The following SAMM50 variants were observed in gnomAD, a reference collection of about 807,000 sequenced individuals.
SAMM50 encodes sorting and assembly machinery component 50 homolog.
In SAMM50, 47 loss-of-function variants were observed where a neutral mutation model predicts 66.9. The ratio of observed to expected loss-of-function variants is 0.70; its 90% CI spans 0.56 to 0.90. The LOEUF (loss-of-function observed/expected upper bound fraction) is 0.90, where lower values mean the gene tolerates loss of function less well. Among genes scored for constraint, SAMM50 ranks in the 40% least tolerant of loss-of-function variants. The probability of loss-of-function intolerance (pLI) is 0.00; values close to 1 mark genes in which losing one functional copy is unlikely to be tolerated. For missense variants in SAMM50, 535 were observed against 595.3 expected (o/e 0.90, Z 1.05); for synonymous variants, 191 against 214.1 (o/e 0.89, Z 0.94).
Position 43,972,901 on chromosome 22 carries a change from G to C in SAMM50, c.460G>C (p.Gly154Arg), listed in dbSNP as rs1344069154. 1 of 1,595,994 alleles carries C rather than the reference G, an allele frequency of 6.3e-7. No individual in the cohort carries two copies. The highest frequency in any genetic ancestry group is 8.5e-7 in the Non-Finnish European group (1 of 1,176,072). Reference sequence around the variant, plus strand: ...TGGCCTCAAGCTTCCTAATCTTCTTGGTCGTGCAGAAAAGGTGACCTTTCA... The same window carrying C: ...TGGCCTCAAGCTTCCTAATCTTCTTCGTCGTGCAGAAAAGGTGACCTTTCA... ...VLGLKLPNLL[G>R]RAEKVTFQFS... The change falls in exon 6 of 15, where the codon GGT becomes CGT. Residue 154 changes from glycine to arginine, a missense_variant. By Grantham distance (125) the Gly-to-Arg change is moderately radical. Transcript: ENST00000350028.
At chr22:43,995,053 C>G (rs2050345755) in intron 14 of SAMM50, among the ~76,000 whole-genome samples, 1 of 152,160 alleles carries the variant, frequency 6.6e-6, no homozygotes, top group Non-Finnish European at 1.5e-5. Context: ...CAGATCTGAA[C>G]ACAACTAAAT....
At position 43,992,685 on chromosome 22, in the gene SAMM50, C is replaced by A. The variant is rs534789161; in HGVS notation, c.1364+2279C>A. Among the ~76,000 whole-genome samples, 120 of 152,324 alleles carry A rather than the reference C, an allele frequency of 7.9e-4. 1 individual carries two copies. Among genetic ancestry groups the A allele is most frequent in the African/African-American group, 2.6e-3 (110 of 41,570 alleles). The stretch of plus-strand genomic sequence containing the variant: ...TGGACGATCATGATGGTGACTGTTG[C>A]AGTTTGGAGAACTCAGTGAGTTACT... On this transcript the variant is annotated intron_variant, in intron 14 of 14. Transcript: ENST00000350028.
At chr22:43,968,187 G>A (rs1053644088) in intron 3 of SAMM50, among the ~76,000 whole-genome samples, 6 of 133,244 alleles carry the variant, frequency 4.5e-5, no homozygotes, top group South Asian at 2.4e-4. Flanking sequence ...AGATTGCACC[G>A]TTGCACTCCA....
In SAMM50 at chr22:43,972,998, G is replaced by C; in HGVS notation, c.557G>C (p.Arg186Thr). The change falls in exon 6 of 15, where the codon AGA (arginine) becomes ACA (threonine). Residue 186 changes from arginine to threonine, a missense_variant. Physicochemically the swap from Arg to Thr is moderately conservative, Grantham distance 71 (BLOSUM62 -1). Transcript: ENST00000350028. ...FFKPRPGNFE[R>T]NFSVNLYKVT... The stretch of plus-strand genomic sequence containing the variant: ...AAACCACGGCCCGGAAACTTCGAAA[G>C]AAAGTAGGAAGCCCAACAGATCATT... 1 of 1,588,024 alleles carries C rather than the reference G, an allele frequency of 6.3e-7. No individual in the cohort carries two copies. The highest frequency in any genetic ancestry group is 1.7e-4 in the Middle Eastern group (1 of 5,964).
intron 7 of SAMM50, 143 bp from the exon 8 acceptor site, chr22:43,975,912 T>C: frequency 1.2e-6 from 1 of 811,712 alleles, no homozygotes; most frequent in Non-Finnish European, 1.9e-6. Flanking sequence ...CTTCTTCTCT[T>C]CTTCCCCTTC....
rs755070853 is a variant in SAMM50, at chr22:43,990,216, C to T, written c.1223-49C>T. 4 of 1,607,860 alleles carry T rather than the reference C, an allele frequency of 2.5e-6. No homozygotes were observed. The Admixed American group carries it at 6.7e-5, about 27-fold the overall frequency. On this transcript the variant is annotated intron_variant, in intron 13 of 14. Transcript: ENST00000350028. The stretch of plus-strand genomic sequence containing the variant: ...GGCTTGTCTGGGAGAGCTGGGAGAG[C>T]TTGGAAGGACGGGCACGCACTGTTG...
At chr22:43,977,819 C>G in intron 9 of SAMM50, 53 bp from the exon 10 acceptor site, 1 of 1,172,410 alleles carries the variant, frequency 8.5e-7, no homozygotes, top group South Asian at 1.3e-5. Flanking sequence ...GATTCTGTAG[C>G]CCCTGTAATA....
intron 1 of SAMM50, among the ~76,000 whole-genome samples, chr22:43,956,283 A>G (rs1372217534): frequency 6.6e-6 from 1 of 152,188 alleles, no homozygotes; most frequent in Non-Finnish European, 1.5e-5. Flanking sequence ...ACTGGTTCCA[A>G]ATGGCCTAAA....
intron 1 of SAMM50, among the ~76,000 whole-genome samples, chr22:43,961,033 T>C (rs1164373700): frequency 1.3e-5 from 2 of 152,152 alleles, no homozygotes; most frequent in Non-Finnish European, 2.9e-5. Flanking sequence ...GCTCTTCCTT[T>C]AGGTACTTCT....
In SAMM50 at chr22:43,981,193, G is replaced by T. The variant is rs530796232; in HGVS notation, c.937-198G>T. Among the ~76,000 whole-genome samples, 3 of 152,346 alleles carry T rather than the reference G, an allele frequency of 2.0e-5. No homozygotes were observed. The South Asian group carries it at 6.2e-4, about 32-fold the overall frequency. ...CTTGATTTGGACTTTGGAATTGCGT[G>T]TTTTAATAGAATCCACGTGGCCCTT... On this transcript the variant is annotated intron_variant, in intron 10 of 14. Transcript: ENST00000350028.
Position 43,964,331 on chromosome 22 carries a change from T to C in SAMM50, c.133-121T>C, listed in dbSNP as rs1262898647. On this transcript the variant is annotated intron_variant, in intron 2 of 14. Coordinates refer to ENST00000350028, the MANE Select transcript of SAMM50 (RefSeq NM_015380.5). The stretch of plus-strand genomic sequence containing the variant: ...GATAGTAAAGTCCAGAGGTAAGAAG[T>C]GTGGATTATTAAACTTGAAGAAAAC... 11 of 585,782 alleles carry C rather than the reference T, an allele frequency of 1.9e-5. No individual in the cohort carries two copies. In the Admixed American group the frequency reaches 3.2e-4, roughly 17 times the overall value. The allele number at this position is 585,782 out of a possible 1,614,324, so 36.3% of individuals were successfully genotyped here.
intron 12 of SAMM50, chr22:43,987,143 A>G (rs1238000818): frequency 6.6e-6 from 1 of 152,216 alleles, no homozygotes; most frequent in Non-Finnish European, 1.5e-5. Flanking sequence ...GCGGTTGGCC[A>G]GACTCTGTGG....
Position 43,989,118 on chromosome 22 carries a change from C to T in SAMM50, c.1083C>T (p.Tyr361=), listed in dbSNP as rs1385170318. The stretch of plus-strand genomic sequence containing the variant: ...CACCCCTCCTTTGCTTAGGAGACTA[C>T]CTAGGTGGAGAAGCGTACTGGGCCG... ...HSIGPQSEGD[Y]LGGEAYWAGG... Residue 361 remains tyrosine, a synonymous_variant, in exon 13 of 15, where the codon TAC becomes TAT. Coordinates refer to ENST00000350028, the MANE Select transcript of SAMM50 (RefSeq NM_015380.5). 1 of 1,613,708 alleles carries T rather than the reference C, an allele frequency of 6.2e-7. No individual in the cohort carries two copies. Among genetic ancestry groups the T allele is most frequent in the Admixed American group, 1.7e-5 (1 of 59,930 alleles).
At chr22:43,957,258 T>G in intron 1 of SAMM50, 1 of 662,636 alleles carries the variant, frequency 1.5e-6, no homozygotes, top group Non-Finnish European at 2.8e-6. Context: ...ACAGAAACAA[T>G]GGCATGATTC....
chr22:43,972,118 C>T, intron 4 of SAMM50, 118 bp from the exon 5 acceptor site: 1 of 579,258 alleles, frequency 1.7e-6, no homozygotes, highest in Non-Finnish European at 3.0e-6. Context: ...ATATTATTTT[C>T]TAAAGGAGAT....
intron 3 of SAMM50, among the ~76,000 whole-genome samples, chr22:43,967,751 T>TTCCACCA (rs1284485299): frequency 1.3e-5 from 2 of 152,106 alleles, no homozygotes; most frequent in African/African-American, 4.8e-5. Context: ...ACCTGCAGGG[T>TTCCACCA]GGAATCTCAA....
In SAMM50 at chr22:43,973,267, C is replaced by G. The variant is rs747021327; in HGVS notation, c.592C>G (p.Gln198Glu). ...FSVNLYKVTG[Q>E]FPWSSLRETD... is the part of the protein sequence containing the mutation. The stretch of plus-strand genomic sequence containing the variant: ...TGTAAACTTATATAAAGTTACTGGA[C>G]AGTTCCCTTGGAGCTCACTGCGGGA... The change falls in exon 7 of 15, where the codon CAG becomes GAG. Residue 198 changes from glutamine (Q) to glutamate (E), a missense_variant. By Grantham distance (29) the Gln-to-Glu change is conservative (BLOSUM62 2). Transcript: ENST00000350028. 2 of 1,607,466 alleles carry G rather than the reference C, an allele frequency of 1.2e-6. No individual in the cohort carries two copies. The highest frequency in any genetic ancestry group is 1.7e-6 in the Non-Finnish European group (2 of 1,174,082).
At chr22:43,977,460 A>G (rs1429821080) in intron 9 of SAMM50, among the ~76,000 whole-genome samples, 1 of 152,216 alleles carries the variant, frequency 6.6e-6, no homozygotes, top group African/African-American at 2.4e-5. Flanking sequence ...AAGCAGGGCA[A>G]AAGCCCGGGG....
At chr22:43,978,181 C>T (rs112244715) in intron 10 of SAMM50, among the ~76,000 whole-genome samples, 9 of 152,126 alleles carry the variant, frequency 5.9e-5, no homozygotes, top group South Asian at 2.1e-4. Context: ...CAGTGGTTCA[C>T]GCCTGTAATC....
Sources: allele counts gnomAD v4.1 joint callset (sites outside exome capture counted in the v4.1 genomes callset), GRCh38; gene constraint gnomAD v4.1.1; transcripts MANE v1.5; gene names NCBI Gene and HGNC (gene_info 2026-07-23, HGNC 2026-07-21).